GALNT13: variants seen among roughly 807,000 people sequenced by gnomAD.
GALNT13 encodes UDP-GalNAc:polypeptide N-acetylgalactosaminyltransferase 13.
In GALNT13, 28 loss-of-function variants were observed where a neutral mutation model predicts 64.2. The observed-to-expected ratio is 0.44, with a 90% CI of 0.32 to 0.60. GALNT13 has a LOEUF of 0.60. Ranked by LOEUF, GALNT13 falls within the 20% of genes least tolerant of loss-of-function variation. The probability of loss-of-function intolerance (pLI) is 0.05; values close to 1 mark genes in which losing one functional copy is unlikely to be tolerated. For missense variants in GALNT13, 577 were observed against 669.8 expected, an observed-to-expected ratio of 0.86 and a Z score of 1.53; for synonymous variants, 214 against 224.6, an observed-to-expected ratio of 0.95 and a Z score of 0.42.
intron 4 of GALNT13, among the ~76,000 whole-genome samples, chr2:154,146,792 T>A (rs1683628536): frequency 7.0e-6 from 1 of 142,882 alleles, no homozygotes; most frequent in South Asian, 2.2e-4. Context: ...GTTTCCCTCC[T>A]GCATTACAGA....
At chr2:153,354,099 G>A in the GALNT13 span, 2 of 152,244 alleles carry the variant, frequency 1.3e-5, no homozygotes, top group Middle Eastern at 6.8e-3. Context: ...TATTCAGAGT[G>A]TCTATTGCTT....
the GALNT13 span, among the ~76,000 whole-genome samples, chr2:153,260,027 C>T: frequency 6.6e-6 from 1 of 151,868 alleles, no homozygotes. Flanking sequence ...CATATTCCTT[C>T]ATTTTAAACC....
At position 154,078,700 on chromosome 2, in the gene GALNT13, T is replaced by C. The variant is rs1301026782; in HGVS notation, c.143-61637T>C. ...ATAATTTCCTTTTTTTCTATCTTTC[T>C]GAACTAAAATATATATGTAAAAACT... is the stretch of plus-strand genomic sequence containing the variant. On this transcript the variant is annotated intron_variant, in intron 3 of 12. Transcript: ENST00000392825. Among the ~76,000 whole-genome samples the C allele has an allele frequency of 3.3e-5, 5 of 151,784 alleles. No individual in the cohort carries two copies. In the South Asian group the frequency reaches 6.2e-4, roughly 19 times the overall value.
chr2:153,185,143 G>A, the GALNT13 span, among the ~76,000 whole-genome samples: 36 of 152,224 alleles, frequency 2.4e-4, no homozygotes, highest in African/African-American at 6.5e-4. Context: ...TTCAGAACTC[G>A]TTATTGGTCT....
At chr2:153,725,565 C>T in the GALNT13 span, among the ~76,000 whole-genome samples, 1 of 151,654 alleles carries the variant, frequency 6.6e-6, no homozygotes, top group Admixed American at 6.6e-5. Flanking sequence ...TAATGGGAAG[C>T]TTTTAAATGA....
intron 4 of GALNT13, among the ~76,000 whole-genome samples, chr2:154,166,725 C>G (rs1408695927): frequency 1.3e-5 from 2 of 152,166 alleles, no homozygotes; most frequent in African/African-American, 4.8e-5. Context: ...TTGGAACCAA[C>G]CCAGATGTCC....
At chr2:153,626,021 T>C in the GALNT13 span, among the ~76,000 whole-genome samples, 1 of 152,142 alleles carries the variant, frequency 6.6e-6, no homozygotes, top group African/African-American at 2.4e-5. Flanking sequence ...TTACAAATCA[T>C]GAAACTTGCT....
chr2:153,941,145 G>A (rs191666966), intron 2 of GALNT13, among the ~76,000 whole-genome samples: 2 of 151,964 alleles, frequency 1.3e-5, no homozygotes, highest in African/African-American at 2.4e-5. Flanking sequence ...ACAGGCACAC[G>A]CCACCTTGCC....
intron 10 of GALNT13, among the ~76,000 whole-genome samples, chr2:154,407,759 C>T (rs555696648): frequency 8.2e-4 from 125 of 152,068 alleles, no homozygotes; most frequent in African/African-American, 2.7e-3. Context: ...TGACTCTGTC[C>T]AGTTTTTTCT....
the GALNT13 span, among the ~76,000 whole-genome samples, chr2:153,628,158 G>C: frequency 6.6e-6 from 1 of 151,998 alleles, no homozygotes; most frequent in Admixed American, 6.6e-5. Context: ...TCTGTTATTG[G>C]TGTATAAGAA....
chr2:153,680,640 C>T, the GALNT13 span, among the ~76,000 whole-genome samples: 11 of 151,922 alleles, frequency 7.2e-5, 1 homozygote, highest in South Asian at 2.1e-3. Flanking sequence ...AAATGCATTT[C>T]CTAACTCCTG....
chr2:153,213,009 G>A, the GALNT13 span, among the ~76,000 whole-genome samples: 4 of 152,168 alleles, frequency 2.6e-5, no homozygotes, highest in African/African-American at 9.7e-5. Flanking sequence ...AAATTGCAAA[G>A]TATTTGAACA....
At chr2:153,731,575 G>A in the GALNT13 span, among the ~76,000 whole-genome samples, 1 of 151,944 alleles carries the variant, frequency 6.6e-6, no homozygotes, top group Non-Finnish European at 1.5e-5. Flanking sequence ...CAACAGTGAA[G>A]CAGGATATTA....
At chr2:153,297,833 C>T in the GALNT13 span, among the ~76,000 whole-genome samples, 35,057 of 152,070 alleles carry the variant, frequency 0.23, 4,905 homozygotes, top group Non-Finnish European at 0.32. Context: ...AAGAGCAGGT[C>T]TCTCTGAATG....
intron 8 of GALNT13, among the ~76,000 whole-genome samples, chr2:154,268,687 G>A (rs1005343516): frequency 2.4e-4 from 36 of 152,142 alleles, no homozygotes; most frequent in Non-Finnish European, 4.4e-5. Context: ...AAGGAAAAAT[G>A]TAGTTCAAAG....
At chr2:153,193,722 T>C in the GALNT13 span, among the ~76,000 whole-genome samples, 2 of 152,204 alleles carry the variant, frequency 1.3e-5, no homozygotes, top group South Asian at 2.1e-4. Context: ...GCTTTTATGA[T>C]TGTAGATACT....
the GALNT13 span, among the ~76,000 whole-genome samples, chr2:153,784,158 G>A: frequency 1.3e-5 from 2 of 152,156 alleles, no homozygotes; most frequent in African/African-American, 4.8e-5. Context: ...AGGAAGATGT[G>A]GGAAAGTTTG....
intron 3 of GALNT13, among the ~76,000 whole-genome samples, chr2:154,131,172 C>T (rs1174673979): frequency 1.3e-5 from 2 of 152,052 alleles, no homozygotes; most frequent in Non-Finnish European, 2.9e-5. Context: ...TCTTAGTGAA[C>T]ACTTTAAAAG....
chr2:154,125,459 G>T (rs1682205886), intron 3 of GALNT13, among the ~76,000 whole-genome samples: 1 of 152,106 alleles, frequency 6.6e-6, no homozygotes, highest in Non-Finnish European at 1.5e-5. Flanking sequence ...AAAACTTAAT[G>T]TTCAGTTATA....
Sources: allele counts gnomAD v4.1 joint callset (sites outside exome capture counted in the v4.1 genomes callset), GRCh38; gene constraint gnomAD v4.1.1; transcripts MANE v1.5; gene names NCBI Gene and HGNC (gene_info 2026-07-23, HGNC 2026-07-21).